The following CROCC variants were observed in gnomAD, a reference collection of about 807,000 sequenced individuals.
CROCC encodes the protein rootletin.
In CROCC, 180 loss-of-function variants were observed where a neutral mutation model predicts 245.2. The ratio of observed to expected loss-of-function variants is 0.73; its 90% CI spans 0.65 to 0.83. CROCC has a LOEUF of 0.83. CROCC is among the 40% of genes least tolerant of loss of function. The pLI is 0.00. For missense variants in CROCC, 2,688 were observed against 2,779.4 expected (o/e 0.97, Z 0.74); for synonymous variants, 1,205 against 1,241.6 (o/e 0.97, Z 0.62).
intron 36 of CROCC, 55 bp downstream of exon 36, chr1:16,971,702 A>G: frequency 7.1e-7 from 1 of 1,412,054 alleles, no homozygotes; most frequent in South Asian, 1.5e-5. Flanking sequence ...GGCTGCAGAA[A>G]GAGGAGAGAC....
chr1:16,971,609 CG>C lies in CROCC; in HGVS notation c.5932del (p.Ala1978ProfsTer16), dbSNP rs1326142449. ...QTERTLEARE[R>X]AHRQRVRGLE... is the part of the protein sequence containing the mutation. ...TGAGCGCACCCTGGAGGCTCGGGAG[CG>C]GGCCCACCGCCAGAGGGTGCGTGGG... is the stretch of plus-strand genomic sequence containing the variant. On this transcript the variant is annotated frameshift_variant, in exon 36 of 37. Coordinates refer to ENST00000375541, the MANE Select transcript of CROCC (RefSeq NM_014675.5). LOFTEE classifies it high-confidence loss of function. 6.6e-7 allele frequency: 1 copy of C among 1,517,550 alleles called. No homozygotes were observed. Among genetic ancestry groups the C allele is most frequent in the East Asian group, 2.5e-5 (1 of 40,210 alleles). The allele number at this position is 1,517,550 out of a possible 1,614,324, so 94.0% of individuals were successfully genotyped here.
At position 16,954,767 on chromosome 1, in the gene CROCC, G is replaced by C. The variant is rs1230329461; in HGVS notation, c.3355G>C (p.Asp1119His). 1.5e-5 allele frequency: 24 copies of C among 1,555,490 alleles called. No individual in the cohort carries two copies. Among genetic ancestry groups the C allele is most frequent in the South Asian group, 7.1e-5 (6 of 84,320 alleles). ...TVNALTSELRDLRAQREEAAA... is the reference protein window; with the variant it reads ...TVNALTSELRHLRAQREEAAA... ...GAACGCTCTGACGTCTGAGCTGCGG[G>C]ACCTACGGGCCCAGCGGGAGGAGGC... The change falls in exon 23 of 37, where the codon GAC becomes CAC. Residue 1119 changes from aspartate (D) to histidine (H), a missense_variant. Coordinates refer to ENST00000375541, the MANE Select transcript of CROCC (RefSeq NM_014675.5). This position sits in a 1 kb window ranked among gnomAD's most constrained non-coding sequence, Gnocchi z 4.4.
At chr1:16,965,964 G>T in intron 28 of CROCC, 35 bp from the exon 29 acceptor site, 1 of 1,605,818 alleles carries the variant, frequency 6.2e-7, no homozygotes. Context: ...GTCAGAGCAG[G>T]GGTCTGTCTT....
In CROCC at chr1:16,954,774, G is replaced by T; in HGVS notation, c.3362G>T (p.Arg1121Leu). Reference protein sequence around the residue: ...NALTSELRDLRAQREEAAAAH... With the variant: ...NALTSELRDLLAQREEAAAAH... ...CTGACGTCTGAGCTGCGGGACCTACGGGCCCAGCGGGAGGAGGCTGCTGCG... is the reference window on the plus strand; with the variant it reads ...CTGACGTCTGAGCTGCGGGACCTACTGGCCCAGCGGGAGGAGGCTGCTGCG... Residue 1121 changes from arginine (R) to leucine (L), a missense_variant, in exon 23 of 37, where the codon CGG (arginine) becomes CTG (leucine). Transcript: ENST00000375541. This position sits in a 1 kb window ranked among gnomAD's most constrained non-coding sequence, Gnocchi z 4.4. 4 of 1,554,332 alleles carry T rather than the reference G, an allele frequency of 2.6e-6. No individual in the cohort carries two copies. The highest frequency in any genetic ancestry group is 1.4e-5 in the African/African-American group (1 of 73,338).
chr1:16,962,639 G>T (rs542928244), intron 27 of CROCC, among the ~76,000 whole-genome samples: 5 of 150,458 alleles, frequency 3.3e-5, no homozygotes, highest in Admixed American at 1.3e-4. Flanking sequence ...CTCCCAAAGT[G>T]CTGGGATTAA....
intron 36 of CROCC, 29 bp downstream of exon 36, chr1:16,971,676 C>T: frequency 6.9e-7 from 1 of 1,451,802 alleles, no homozygotes; most frequent in Non-Finnish European, 9.1e-7. Context: ...AAGGCTGGGC[C>T]AGGATGGATG....
Position 16,954,439 on chromosome 1 carries a change from G to T in CROCC, c.3321+82G>T. The T allele has an allele frequency of 6.6e-7, 1 of 1,515,898 alleles. No individual in the cohort carries two copies. The highest frequency in any genetic ancestry group is 8.9e-7 in the Non-Finnish European group (1 of 1,123,466). 93.9% of individuals were successfully genotyped at this position (1,515,898 alleles called of 1,614,324 possible). A position where few individuals can be genotyped will look rare whatever the true frequency, so the allele number is the denominator to read the frequency against. ...AGGAGCCCCCACCACGGGGCGGCAT[G>T]GCCCTGTCCTGGAGAAGCTTCCAGG... On this transcript the variant is annotated intron_variant, in intron 22 of 36. Coordinates refer to ENST00000375541, the MANE Select transcript of CROCC (RefSeq NM_014675.5). The surrounding 1 kb of genome is among the most constrained non-coding windows in gnomAD (Gnocchi z 4.4).
intron 8 of CROCC, among the ~76,000 whole-genome samples, chr1:16,933,304 T>G (rs55943719): frequency 4.6e-5 from 7 of 152,296 alleles, no homozygotes; most frequent in African/African-American, 1.7e-4. Context: ...CTATCTCTAC[T>G]AAAAATACAA....
intron 20 of CROCC, among the ~76,000 whole-genome samples, chr1:16,952,669 C>T (rs2100493890): frequency 6.6e-6 from 1 of 152,254 alleles, no homozygotes; most frequent in Admixed American, 6.5e-5. Context: ...CTCTTCTTGC[C>T]CTTTGCATTG....
chr1:16,962,065 C>CT (rs200970286), intron 27 of CROCC, among the ~76,000 whole-genome samples: 50 of 148,656 alleles, frequency 3.4e-4, no homozygotes, highest in South Asian at 6.4e-4. Context: ...TTTAATTATT[C>CT]TTTTTGTTTT....
At chr1:16,928,630 C>T (rs1379940864) in intron 3 of CROCC, among the ~76,000 whole-genome samples, 74 of 151,984 alleles carry the variant, frequency 4.9e-4, no homozygotes, top group Middle Eastern at 3.4e-3. Context: ...AGTGAAACCC[C>T]ATCTCTACTA....
chr1:16,923,363 C>T (rs115862221), intron 2 of CROCC, among the ~76,000 whole-genome samples: 2,167 of 151,584 alleles, frequency 0.014, no homozygotes, highest in African/African-American at 0.051. Context: ...AAGCTACAGA[C>T]GGGCCCCCTC....
intron 1 of CROCC, among the ~76,000 whole-genome samples, chr1:16,915,711 C>T (rs1390757896): frequency 3.2e-4 from 49 of 152,144 alleles, no homozygotes; most frequent in Non-Finnish European, 6.6e-4. Context: ...ACTGGAGGGA[C>T]CTCTTTAGCT....
chr1:16,925,873 G>A (rs2075523599), intron 3 of CROCC, among the ~76,000 whole-genome samples: 1 of 152,272 alleles, frequency 6.6e-6, no homozygotes, highest in African/African-American at 2.4e-5. Flanking sequence ...AGGGCACGCT[G>A]GCCCCAGTCA....
In CROCC at chr1:16,930,270, CCT is replaced by C; in HGVS notation, c.622-10_622-9del. 6.3e-7 allele frequency: 1 copy of C among 1,597,328 alleles called. No individual in the cohort carries two copies. Among genetic ancestry groups the C allele is most frequent in the Middle Eastern group, 2.0e-4 (1 of 4,976 alleles). On this transcript the variant is annotated splice_polypyrimidine_tract_variant and intron_variant, in intron 5 of 36. Coordinates refer to ENST00000375541, the MANE Select transcript of CROCC (RefSeq NM_014675.5). ...CCACCTGCCCAACCTGATGCTTTAA[CCT>C]CTCTCCCACCCAGGACACAGAGCAC...
In CROCC at chr1:16,953,348, G is replaced by C. The variant is rs752047491; in HGVS notation, c.3053G>C (p.Ser1018Thr). The C allele has an allele frequency of 6.2e-7, 1 of 1,606,620 alleles. No homozygotes were observed. The highest frequency in any genetic ancestry group is 1.1e-5 in the South Asian group (1 of 90,080). The stretch of plus-strand genomic sequence containing the variant: ...GAGGCCGAGCGGGCCCAGCTGCAGA[G>C]TCAGCTGCAGCGTGAGCAGGAGGAG... Reference protein sequence around the residue: ...ELEAERAQLQSQLQREQEELL... With the variant: ...ELEAERAQLQTQLQREQEELL... Residue 1018 changes from serine (S) to threonine (T), a missense_variant, in exon 21 of 37, where the codon AGT becomes ACT. Transcript: ENST00000375541.
chr1:16,969,576 G>A (rs566999797), intron 32 of CROCC, among the ~76,000 whole-genome samples: 1 of 152,334 alleles, frequency 6.6e-6, no homozygotes, highest in Non-Finnish European at 1.5e-5. Context: ...GGACCCAGGG[G>A]CAGGGTTTAT....
Sources: allele counts gnomAD v4.1 joint callset (sites outside exome capture counted in the v4.1 genomes callset), GRCh38; gene constraint gnomAD v4.1.1; non-coding constraint Gnocchi (gnomAD v3.1); transcripts MANE v1.5; gene names NCBI Gene and HGNC (gene_info 2026-07-23, HGNC 2026-07-21).